OOSP1: variants seen among roughly 807,000 people sequenced by gnomAD.
OOSP1 encodes the protein putative oocyte-secreted protein 1 homolog.
Under a neutral mutation model 5.7 loss-of-function variants are expected in OOSP1, and 11 were observed. The observed-to-expected ratio is 1.94, with a 90% confidence interval of 1.22 to 3.20. The LOEUF is 3.20. OOSP1 is among the 30% of genes most tolerant of loss of function. The pLI, the probability that OOSP1 is intolerant of heterozygous loss-of-function variation, is 0.00. For missense variants in OOSP1, 83 were observed against 54.1 expected, an observed-to-expected ratio of 1.53 and a Z score of -1.67; for synonymous variants, 44 against 20.0, an observed-to-expected ratio of 2.20 and a Z score of -3.20.
intron 3 of OOSP1, among the ~76,000 whole-genome samples, chr11:59,947,452 T>C (rs1424787998): frequency 6.6e-6 from 1 of 152,090 alleles, no homozygotes; most frequent in Non-Finnish European, 1.5e-5. Flanking sequence ...ATGAGAAAAT[T>C]GAAACAGAGA....
At chr11:59,941,665 A>G (rs1458212436) in intron 1 of OOSP1, among the ~76,000 whole-genome samples, 1 of 152,154 alleles carries the variant, frequency 6.6e-6, no homozygotes, top group East Asian at 1.9e-4. Flanking sequence ...GGAGTGAGCC[A>G]CCTCGCCCAG....
chr11:59,954,743 T>TACTA (rs1853977304), intron 4 of OOSP1, among the ~76,000 whole-genome samples: 1 of 152,118 alleles, frequency 6.6e-6, no homozygotes, highest in Non-Finnish European at 1.5e-5. Context: ...CCTGGGTTTA[T>TACTA]ACTAAGCTTC....
intron 4 of OOSP1, among the ~76,000 whole-genome samples, chr11:59,953,076 T>C (rs1248169169): frequency 2.0e-5 from 3 of 152,156 alleles, no homozygotes; most frequent in Non-Finnish European, 2.9e-5. Context: ...TTTCATGCTT[T>C]AAGCATGACC....
intron 3 of OOSP1, among the ~76,000 whole-genome samples, chr11:59,945,586 C>A (rs1227128989): frequency 3.7e-4 from 51 of 136,244 alleles, no homozygotes; most frequent in Admixed American, 2.2e-4. Flanking sequence ...CTAAAAATAC[C>A]AAAAAAAAAA....
intron 1 of OOSP1, among the ~76,000 whole-genome samples, chr11:59,939,486 A>G (rs1853802869): frequency 6.6e-6 from 1 of 152,038 alleles, no homozygotes; most frequent in African/African-American, 2.4e-5. Context: ...TCCTGGCCTC[A>G]AGTGATCTGC....
rs575640589 is a variant in OOSP1 at position 59,941,384 on chromosome 11, CT to C, written c.77-1450del. Among the ~76,000 whole-genome samples the C allele has an allele frequency of 2.6e-3, 373 of 144,986 alleles. 3 individuals are homozygous for C. In the South Asian group the frequency reaches 0.028, roughly 11 times the overall value. On this transcript the variant is annotated intron_variant, in intron 1 of 4. Coordinates refer to ENST00000646685, the Ensembl canonical transcript of OOSP1. ...TGAAGCTATTGTTAGCATTTATGTACTTTTTTTTTTTTTGAGACAGAGTCTA... is the reference window on the plus strand; with the variant it reads ...TGAAGCTATTGTTAGCATTTATGTACTTTTTTTTTTTTGAGACAGAGTCTA...
chr11:59,942,454 G>A (rs190027323), intron 1 of OOSP1, among the ~76,000 whole-genome samples: 74 of 152,238 alleles, frequency 4.9e-4, no homozygotes, highest in African/African-American at 1.8e-3. Context: ...CATAGAAATG[G>A]AAGGGCTTGC....
chr11:59,956,808 G>C (rs1853998035), intron 4 of OOSP1, among the ~76,000 whole-genome samples: 1 of 152,014 alleles, frequency 6.6e-6, no homozygotes, highest in Admixed American at 6.6e-5. Context: ...TACAATGTTT[G>C]GTTTGCCATT....
rs565900381 is a variant in OOSP1 at position 59,953,662 on chromosome 11, C to T, written c.487-3533C>T. ...ATCAAATCTCAGACAAGAGCAATTG[C>T]TATTTTTCTTGGTTGGGTTGTTTGG... On this transcript the variant is annotated intron_variant, in intron 4 of 4. Transcript: ENST00000646685. Among the ~76,000 whole-genome samples the T allele has an allele frequency of 3.3e-3, 510 of 152,264 alleles. 5 individuals are homozygous for T. Among genetic ancestry groups the T allele is most frequent in the African/African-American group, 0.012 (486 of 41,564 alleles).
At chr11:59,942,405 C>T (rs1420935070) in intron 1 of OOSP1, among the ~76,000 whole-genome samples, 1 of 152,072 alleles carries the variant, frequency 6.6e-6, no homozygotes, top group Non-Finnish European at 1.5e-5. Flanking sequence ...CTTTATATAT[C>T]ATGAAACTGT....
At chr11:59,952,279 C>A (rs1853947713) in intron 4 of OOSP1, among the ~76,000 whole-genome samples, 2 of 152,082 alleles carry the variant, frequency 1.3e-5, no homozygotes. Context: ...ATCTACCAAT[C>A]TTACTACTTG....
chr11:59,945,537 C>T (rs550085626), intron 3 of OOSP1, among the ~76,000 whole-genome samples: 2 of 151,068 alleles, frequency 1.3e-5, no homozygotes, highest in South Asian at 2.1e-4. Flanking sequence ...GTCAGAAGAT[C>T]GGGACCATCC....
exon 4 of OOSP1, chr11:59,947,815 C>T (rs1462539950): frequency 2.5e-6 from 1 of 398,844 alleles, no homozygotes; most frequent in East Asian, 3.6e-5. Flanking sequence ...GGTGAGGATA[C>T]ACATTGCGAA....
rs187758167 is a variant in OOSP1, at chr11:59,948,433, A to G, written c.486+571A>G. 3.3e-5 allele frequency among the ~76,000 whole-genome samples: 5 copies of G among 152,334 alleles called. No individual in the cohort carries two copies. The East Asian group carries it at 9.6e-4, about 29-fold the overall frequency. On this transcript the variant is annotated intron_variant, in intron 4 of 4. Transcript: ENST00000646685. ...TTAATAGAGAGTAAACAGGATACCT[A>G]GAACATTTGGGATGTACTTCATAGC...
At chr11:59,945,410 T>G in intron 3 of OOSP1, 144 bp downstream of exon 3, 1 of 692,280 alleles carries the variant, frequency 1.4e-6, no homozygotes, top group South Asian at 1.5e-5. Flanking sequence ...ACAGATCTCT[T>G]GATCCTTGGT....
chr11:59,953,571 G>A (rs1451807789), intron 4 of OOSP1, among the ~76,000 whole-genome samples: 1 of 152,024 alleles, frequency 6.6e-6, no homozygotes, highest in Admixed American at 6.6e-5. Context: ...CTGGAAAGTG[G>A]GTGTTCTGTA....
chr11:59,940,185 A>G (rs1464294634), intron 1 of OOSP1, among the ~76,000 whole-genome samples: 1 of 152,258 alleles, frequency 6.6e-6, no homozygotes, highest in African/African-American at 2.4e-5. Context: ...TTCTTTTATT[A>G]GGAACTATTT....
intron 3 of OOSP1, among the ~76,000 whole-genome samples, chr11:59,946,216 C>T (rs1340422079): frequency 6.6e-6 from 1 of 152,182 alleles, no homozygotes. Context: ...GTGAACTTCG[C>T]ATGTGAGGGA....
At chr11:59,938,510 C>T in exon 1 of OOSP1, 1 of 615,884 alleles carries the variant, frequency 1.6e-6, no homozygotes, top group Non-Finnish European at 2.9e-6. Flanking sequence ...TTGATATGGA[C>T]CTGCGCTGGG....
Sources: allele counts gnomAD v4.1 joint callset (sites outside exome capture counted in the v4.1 genomes callset), GRCh38; gene constraint gnomAD v4.1.1; transcripts MANE v1.5; gene names NCBI Gene and HGNC (gene_info 2026-07-23, HGNC 2026-07-21).